The following SLC24A2 variants were observed in gnomAD, a reference collection of about 807,000 sequenced individuals.
The protein encoded by SLC24A2 is sodium/potassium/calcium exchanger 2.
Under a neutral mutation model 62.0 loss-of-function variants are expected in SLC24A2, and 36 were observed. That is an observed-to-expected ratio of 0.58 (90% confidence interval 0.44 to 0.77). The LOEUF (loss-of-function observed/expected upper bound fraction) is 0.77, where lower values mean the gene tolerates loss of function less well. SLC24A2 is among the 30% of genes least tolerant of loss of function. SLC24A2 has a pLI of 0.00. For missense variants in SLC24A2, 846 were observed against 817.9 expected (o/e 1.03, Z -0.42); for synonymous variants, 358 against 294.0 (o/e 1.22, Z -2.23).
At chr9:19,880,189 A>AG in the SLC24A2 span, among the ~76,000 whole-genome samples, 3 of 152,212 alleles carry the variant, frequency 2.0e-5, no homozygotes, top group Non-Finnish European at 4.4e-5. Flanking sequence ...ATGGCATGAG[A>AG]GGTAGCATGA....
At chr9:20,299,904 G>A in the SLC24A2 span, among the ~76,000 whole-genome samples, 3 of 152,120 alleles carry the variant, frequency 2.0e-5, no homozygotes, top group Non-Finnish European at 4.4e-5. Flanking sequence ...AGCTAACTCT[G>A]TGCTTCTAGA....
At chr9:20,292,598 T>A in the SLC24A2 span, among the ~76,000 whole-genome samples, 1 of 152,132 alleles carries the variant, frequency 6.6e-6, no homozygotes, top group Non-Finnish European at 1.5e-5. Context: ...GTCTTACGGT[T>A]CTGTTTTTTG....
the SLC24A2 span, among the ~76,000 whole-genome samples, chr9:20,180,377 A>C: frequency 6.6e-6 from 1 of 152,176 alleles, no homozygotes; most frequent in Non-Finnish European, 1.5e-5. Flanking sequence ...TATTTTAAGA[A>C]AGAAATGGTG....
the SLC24A2 span, among the ~76,000 whole-genome samples, chr9:20,001,509 C>A: frequency 6.6e-6 from 1 of 152,188 alleles, no homozygotes; most frequent in African/African-American, 2.4e-5. Context: ...CCCAAGGTGT[C>A]AAGGCCCTGC....
chr9:19,824,967 C>T, the SLC24A2 span, among the ~76,000 whole-genome samples: 1 of 152,060 alleles, frequency 6.6e-6, no homozygotes, highest in African/African-American at 2.4e-5. Context: ...GGGAGTTGAA[C>T]AATGAGAACA....
chr9:19,917,354 G>GTT, the SLC24A2 span, among the ~76,000 whole-genome samples: 10,083 of 140,278 alleles, frequency 0.072, 539 homozygotes, highest in East Asian at 0.22. Context: ...TTTTTGTGTG[G>GTT]TTTTTTTTTT....
At chr9:20,253,851 T>C in the SLC24A2 span, among the ~76,000 whole-genome samples, 167 of 152,236 alleles carry the variant, frequency 1.1e-3, no homozygotes, top group African/African-American at 3.9e-3. Flanking sequence ...GTCAGGTGTA[T>C]GTCATGACCC....
At chr9:20,266,090 G>T in the SLC24A2 span, among the ~76,000 whole-genome samples, 16 of 152,186 alleles carry the variant, frequency 1.1e-4, no homozygotes, top group East Asian at 3.1e-3. Context: ...TTTTAATTTC[G>T]CCCTGGTCCT....
the SLC24A2 span, among the ~76,000 whole-genome samples, chr9:20,230,136 T>G: frequency 0.018 from 2,785 of 152,294 alleles, 31 homozygotes; most frequent in Non-Finnish European, 0.029. Context: ...TCTATTGTTG[T>G]TGGACATTTA....
chr9:20,017,181 C>T, the SLC24A2 span, among the ~76,000 whole-genome samples: 76 of 152,020 alleles, frequency 5.0e-4, no homozygotes, highest in Non-Finnish European at 9.3e-4. Context: ...CACCACCACT[C>T]CTAGCTAATT....
At chr9:19,561,124 T>C (rs1192941811) in intron 7 of SLC24A2, among the ~76,000 whole-genome samples, 1 of 151,828 alleles carries the variant, frequency 6.6e-6, no homozygotes, top group Non-Finnish European at 1.5e-5. Context: ...GAGGTGGGTT[T>C]TTACCATGTT....
chr9:19,794,098 G>A, the SLC24A2 span, among the ~76,000 whole-genome samples: 1 of 152,172 alleles, frequency 6.6e-6, no homozygotes, highest in Non-Finnish European at 1.5e-5. Context: ...AGGCTTCTTT[G>A]CTTTTGACGG....
At chr9:20,116,235 G>T in the SLC24A2 span, among the ~76,000 whole-genome samples, 3 of 152,128 alleles carry the variant, frequency 2.0e-5, no homozygotes, top group Non-Finnish European at 4.4e-5. Flanking sequence ...CATTCTCATA[G>T]CTCTAAATGT....
chr9:20,043,710 A>G, the SLC24A2 span, among the ~76,000 whole-genome samples: 97 of 152,330 alleles, frequency 6.4e-4, 1 homozygote, highest in East Asian at 0.017. Context: ...TCATGACAAA[A>G]CTTGAACAGA....
the SLC24A2 span, among the ~76,000 whole-genome samples, chr9:19,944,291 A>G: frequency 1.3e-5 from 2 of 152,206 alleles, no homozygotes; most frequent in South Asian, 2.1e-4. Context: ...CGGCAAAATC[A>G]AAGTTTAAAA....
the SLC24A2 span, among the ~76,000 whole-genome samples, chr9:20,226,637 G>C: frequency 6.6e-6 from 1 of 151,918 alleles, no homozygotes; most frequent in Non-Finnish European, 1.5e-5. Context: ...CTATAATATA[G>C]ACCTGACATG....
the SLC24A2 span, among the ~76,000 whole-genome samples, chr9:19,818,892 C>A: frequency 6.6e-6 from 1 of 152,078 alleles, no homozygotes; most frequent in Admixed American, 6.6e-5. Context: ...ATAGCCAAAG[C>A]AAGACTAAGC....
At position 19,597,316 on chromosome 9, in the gene SLC24A2, C is replaced by T. The variant is rs781613878; in HGVS notation, c.1079-37G>A. ...CAGTAAAAGACACAAAGATAAGGAA[C>T]GAGCTATAATGCAAGAACTTTGTTT... is the stretch of plus-strand genomic sequence containing the variant. On this transcript the variant is annotated intron_variant, in intron 4 of 10. Coordinates refer to ENST00000341998, the MANE Select transcript of SLC24A2 (RefSeq NM_020344.4). The T allele has an allele frequency of 2.3e-5, 31 of 1,327,196 alleles. No individual in the cohort carries two copies. The Middle Eastern group carries it at 5.6e-4, about 24-fold the overall frequency. The allele number at this position is 1,327,196 out of a possible 1,614,324, so 82.2% of individuals were successfully genotyped here.
At chr9:20,034,504 G>C in the SLC24A2 span, among the ~76,000 whole-genome samples, 1 of 134,646 alleles carries the variant, frequency 7.4e-6, no homozygotes, top group Non-Finnish European at 1.5e-5. Flanking sequence ...CTGTCGCCCA[G>C]GCTGGAATGC....
Sources: gnomAD v4.1 joint callset for allele counts (sites outside exome capture counted in the v4.1 genomes callset) on GRCh38, gnomAD v4.1.1 for gene constraint, MANE v1.5 for transcripts, NCBI Gene and HGNC (gene_info 2026-07-23, HGNC 2026-07-21) for gene names.